MORC1: variants seen among roughly 807,000 people sequenced by gnomAD.
MORC1 encodes MORC family CW-type zinc finger protein 1.
Under a neutral mutation model 134.9 loss-of-function variants are expected in MORC1, and 59 were observed. The observed-to-expected ratio is 0.44, with a 90% CI of 0.35 to 0.54. The LOEUF is 0.54. Among genes scored for constraint, MORC1 ranks in the 20% least tolerant of loss-of-function variants. The pLI is 0.00. For missense variants in MORC1, 947 were observed against 1,134.5 expected (o/e 0.83, Z 2.37); for synonymous variants, 395 against 391.7 (o/e 1.01, Z -0.10).
intron 3 of MORC1, among the ~76,000 whole-genome samples, chr3:109,108,845 A>G (rs1443543092): frequency 6.6e-6 from 1 of 150,776 alleles, no homozygotes. Context: ...GCTTGCAGTG[A>G]GCCGAGCTCG....
At chr3:109,005,645 G>A (rs150923537) in intron 18 of MORC1, among the ~76,000 whole-genome samples, 396 of 152,204 alleles carry the variant, frequency 2.6e-3, no homozygotes, top group African/African-American at 8.4e-3. Flanking sequence ...AAGGCTGGTC[G>A]TCATCCCTAC....
intron 8 of MORC1, among the ~76,000 whole-genome samples, chr3:109,090,270 G>A (rs1950689914): frequency 6.6e-6 from 1 of 152,104 alleles, no homozygotes; most frequent in Non-Finnish European, 1.5e-5. Flanking sequence ...GATTACTGCT[G>A]TTAGTGCCTC....
chr3:109,085,526 C>T (rs188829889), intron 8 of MORC1, among the ~76,000 whole-genome samples: 2 of 152,222 alleles, frequency 1.3e-5, no homozygotes, highest in African/African-American at 4.8e-5. Flanking sequence ...CATCACTAAT[C>T]ATCACAGAAA....
Position 109,054,738 on chromosome 3 carries a change from G to A in MORC1, c.1320C>T (p.Asp440=), listed in dbSNP as rs139183413. The change falls in exon 14 of 28, where the codon GAC becomes GAT. Residue 440 remains aspartate (D), a synonymous_variant. Transcript: ENST00000232603. ...MGQYLVQYCK[D]TGINNRNLTL... is the part of the protein sequence containing the mutation. ...CTATTGAATACTCACTGATGCCGGTGTCCTTACAGTACTGGACCAAGTACT... is the reference window on the plus strand; with the variant it reads ...CTATTGAATACTCACTGATGCCGGTATCCTTACAGTACTGGACCAAGTACT... 346 of 1,542,894 alleles carry A rather than the reference G, an allele frequency of 2.2e-4. 3 individuals are homozygous for A. The South Asian group carries it at 2.3e-3, about 10-fold the overall frequency.
At chr3:109,053,730 A>G (rs1023674574) in intron 14 of MORC1, among the ~76,000 whole-genome samples, 2 of 152,214 alleles carry the variant, frequency 1.3e-5, no homozygotes, top group African/African-American at 4.8e-5. Flanking sequence ...ATCACAAAAT[A>G]TACCTCTGTA....
intron 8 of MORC1, among the ~76,000 whole-genome samples, chr3:109,071,877 G>A (rs916530276): frequency 1.3e-5 from 2 of 152,110 alleles, no homozygotes; most frequent in Non-Finnish European, 2.9e-5. Context: ...TATCAGCTAG[G>A]AAAGGTTTTA....
intron 8 of MORC1, among the ~76,000 whole-genome samples, chr3:109,092,555 A>G (rs1950752150): frequency 6.6e-6 from 1 of 152,178 alleles, no homozygotes; most frequent in Non-Finnish European, 1.5e-5. Context: ...ACTGGATTCA[A>G]AGACTTTGGA....
chr3:109,008,962 CT>C (rs1559889549), intron 17 of MORC1, among the ~76,000 whole-genome samples: 2 of 152,252 alleles, frequency 1.3e-5, no homozygotes, highest in East Asian at 3.9e-4. Flanking sequence ...TCACCCTTGA[CT>C]TTCCTTTTTG....
At chr3:108,996,808 A>G (rs1948243000) in intron 21 of MORC1, among the ~76,000 whole-genome samples, 1 of 151,878 alleles carries the variant, frequency 6.6e-6, no homozygotes, top group South Asian at 2.1e-4. Context: ...GAGGAGATGG[A>G]GACCATCCTG....
In MORC1 at chr3:109,098,852, G is replaced by T. The variant is rs374270369; in HGVS notation, c.423+506C>A. On this transcript the variant is annotated intron_variant, in intron 6 of 27. Transcript: ENST00000232603. ...GAGAGTAGTTCCTCAACATGTATTTGTTATATTGAATTATAACTGACAGCC... is the reference window on the plus strand; with the variant it reads ...GAGAGTAGTTCCTCAACATGTATTTTTTATATTGAATTATAACTGACAGCC... Among the ~76,000 whole-genome samples, 126 of 152,196 alleles carry T rather than the reference G, an allele frequency of 8.3e-4. 2 individuals are homozygous for T. The South Asian group carries it at 0.026, about 31-fold the overall frequency.
chr3:109,041,120 G>C (rs1255373970), intron 14 of MORC1, among the ~76,000 whole-genome samples: 2 of 151,100 alleles, frequency 1.3e-5, no homozygotes, highest in African/African-American at 2.4e-5. Flanking sequence ...GACCATCCTG[G>C]CCAACATGGT....
chr3:109,100,691 T>G (rs951041095), intron 4 of MORC1, among the ~76,000 whole-genome samples, 184 bp from the exon 5 acceptor site: 1 of 152,194 alleles, frequency 6.6e-6, no homozygotes, highest in Non-Finnish European at 1.5e-5. Context: ...GGTATTACAG[T>G]CAGCCCAAGG....
At chr3:109,009,753 T>C (rs1948638946) in intron 17 of MORC1, among the ~76,000 whole-genome samples, 1 of 152,168 alleles carries the variant, frequency 6.6e-6, no homozygotes, top group South Asian at 2.1e-4. Context: ...AATTTTATTA[T>C]AATATATGTC....
chr3:109,029,743 A>C (rs1949194076), intron 16 of MORC1, among the ~76,000 whole-genome samples: 1 of 152,230 alleles, frequency 6.6e-6, no homozygotes, highest in Non-Finnish European at 1.5e-5. Flanking sequence ...TCCGGGTATT[A>C]CTGAATACTA....
At chr3:108,977,042 T>TATGC (rs1354640778) in intron 24 of MORC1, among the ~76,000 whole-genome samples, 1 of 152,202 alleles carries the variant, frequency 6.6e-6, no homozygotes, top group Non-Finnish European at 1.5e-5. Flanking sequence ...TAAGTAGCTA[T>TATGC]GCATCCAAAC....
chr3:109,095,012 A>T lies in MORC1; in HGVS notation c.480T>A (p.Asp160Glu), dbSNP rs1279428559. The T allele has an allele frequency of 1.0e-5, 16 of 1,593,018 alleles. No homozygotes were observed. Among genetic ancestry groups the T allele is most frequent in the African/African-American group, 1.4e-5 (1 of 73,702 alleles). ...ATAATTCCATTGCAAATTTCTGGGG[A>T]TCATCTGTGACAGATTCTCTGGTTC... ...LIRTRESVTDDPQKFAMELSI... is the reference protein window; with the variant it reads ...LIRTRESVTDEPQKFAMELSI... Residue 160 changes from aspartate (D) to glutamate (E), a missense_variant, in exon 7 of 28, where the codon GAT becomes GAA. Coordinates refer to ENST00000232603, the MANE Select transcript of MORC1 (RefSeq NM_014429.4).
chr3:109,053,030 A>T (rs1164370593), intron 14 of MORC1, among the ~76,000 whole-genome samples: 1 of 152,044 alleles, frequency 6.6e-6, no homozygotes, highest in East Asian at 1.9e-4. Context: ...CCACATCACA[A>T]ATCACCAGAG....
intron 17 of MORC1, among the ~76,000 whole-genome samples, chr3:109,007,943 G>A (rs1186988026): frequency 6.7e-6 from 1 of 148,388 alleles, no homozygotes; most frequent in Non-Finnish European, 1.5e-5. Flanking sequence ...ACATATATAT[G>A]TGTGTGTGTG....
chr3:108,982,953 CAA>C (rs34705106), intron 23 of MORC1, among the ~76,000 whole-genome samples: 6 of 140,278 alleles, frequency 4.3e-5, no homozygotes, highest in Non-Finnish European at 4.7e-5. Context: ...TTTTTAAATG[CAA>C]AAAAAAAAAG....
Sources: allele counts gnomAD v4.1 joint callset (sites outside exome capture counted in the v4.1 genomes callset), GRCh38; gene constraint gnomAD v4.1.1; transcripts MANE v1.5; gene names NCBI Gene and HGNC (gene_info 2026-07-23, HGNC 2026-07-21).